Variants in RBFOX1 observed in about 807,000 individuals in gnomAD.
RBFOX1 encodes RNA binding fox-1 homolog 1.
A neutral mutation model predicts 57.7 loss-of-function variants in RBFOX1; 8 were observed. The ratio of observed to expected loss-of-function variants is 0.14; its 90% CI spans 0.08 to 0.25. RBFOX1 has a LOEUF of 0.25. RBFOX1 is among the 10% of genes least tolerant of loss of function. RBFOX1 has a pLI of 1.00. For synonymous variants in RBFOX1, 326 were observed against 222.4 expected (o/e 1.47, Z -4.15); for missense variants, 611 against 548.5 (o/e 1.11, Z -1.14).
chr16:6,734,417 T>C (rs2069528869), intron 3 of RBFOX1, among the ~76,000 whole-genome samples: 1 of 152,202 alleles, frequency 6.6e-6, no homozygotes, highest in African/African-American at 2.4e-5. Flanking sequence ...TATGTAGCCA[T>C]TTCCTTTACG....
At chr16:5,656,224 A>G (rs747273381) in intron 3 of RBFOX1, among the ~76,000 whole-genome samples, 2 of 152,158 alleles carry the variant, frequency 1.3e-5, no homozygotes, top group Non-Finnish European at 2.9e-5. Context: ...TGAGTTTCTT[A>G]TTTTATAAAG....
chr16:6,581,109 A>G (rs992278482), intron 2 of RBFOX1, among the ~76,000 whole-genome samples: 8 of 151,990 alleles, frequency 5.3e-5, no homozygotes, highest in Non-Finnish European at 1.0e-4. Context: ...AGTTATCCCC[A>G]TATACTCTAA....
At chr16:6,134,409 C>G (rs944129164) in intron 1 of RBFOX1, among the ~76,000 whole-genome samples, 1 of 152,166 alleles carries the variant, frequency 6.6e-6, no homozygotes, top group African/African-American at 2.4e-5. Context: ...TGATGGATAT[C>G]CACTCAACAA....
chr16:7,160,179 C>T (rs968764522), intron 4 of RBFOX1, among the ~76,000 whole-genome samples: 1 of 151,650 alleles, frequency 6.6e-6, no homozygotes, highest in African/African-American at 2.4e-5. Context: ...TTCCAAACTT[C>T]ATATGACTTT....
chr16:5,707,488 C>G lies in RBFOX1; in HGVS notation c.318+108527C>G, dbSNP rs889607743. ...TTAGTAACCACTAAAGATGCCAGGT[C>G]CTAATTGGATAGCTAACACCTATGT... On this transcript the variant is annotated intron_variant, in intron 3 of 19. Transcript: ENST00000641259. Among the ~76,000 whole-genome samples the G allele has an allele frequency of 4.6e-5, 7 of 152,106 alleles. No homozygotes were observed. The East Asian group carries it at 1.2e-3, about 25-fold the overall frequency.
chr16:6,714,137 G>A (rs565644093), intron 3 of RBFOX1, among the ~76,000 whole-genome samples: 5 of 152,224 alleles, frequency 3.3e-5, no homozygotes, highest in African/African-American at 1.2e-4. Flanking sequence ...AGTTTTTCCT[G>A]CACTCTCACG....
chr16:6,372,030 G>A (rs1341250533), intron 2 of RBFOX1, among the ~76,000 whole-genome samples: 1 of 152,222 alleles, frequency 6.6e-6, no homozygotes, highest in Non-Finnish European at 1.5e-5. Context: ...GGATTGTTGG[G>A]TGAAACGATG....
intron 3 of RBFOX1, among the ~76,000 whole-genome samples, chr16:6,920,447 C>T (rs1051915367): frequency 4.6e-5 from 7 of 152,172 alleles, no homozygotes; most frequent in Middle Eastern, 3.4e-3. Flanking sequence ...TAAGTTGATA[C>T]GAAAAAGTTA....
intron 3 of RBFOX1, among the ~76,000 whole-genome samples, chr16:6,677,973 A>G (rs574187362): frequency 5.3e-5 from 8 of 152,258 alleles, no homozygotes; most frequent in African/African-American, 1.7e-4. Context: ...TAGAAATATA[A>G]TGTCAAACAT....
chr16:6,395,674 CAA>C (rs1274065391), intron 2 of RBFOX1, among the ~76,000 whole-genome samples: 2 of 152,048 alleles, frequency 1.3e-5, no homozygotes, highest in African/African-American at 4.8e-5. Context: ...GTGTATATAT[CAA>C]GTTTATATCA....
intron 3 of RBFOX1, among the ~76,000 whole-genome samples, chr16:5,655,985 T>C (rs1290062912): frequency 6.6e-6 from 1 of 152,262 alleles, no homozygotes; most frequent in Non-Finnish European, 1.5e-5. Context: ...TTCACCACAA[T>C]GTCAGCCACT....
At chr16:6,632,883 T>A (rs575547510) in intron 2 of RBFOX1, among the ~76,000 whole-genome samples, 1 of 152,314 alleles carries the variant, frequency 6.6e-6, no homozygotes, top group Non-Finnish European at 1.5e-5. Flanking sequence ...ATGGGACCAT[T>A]TGAGCTCTCA....
intron 4 of RBFOX1, among the ~76,000 whole-genome samples, chr16:7,190,180 G>C (rs1381699274): frequency 2.0e-5 from 3 of 152,076 alleles, no homozygotes; most frequent in Non-Finnish European, 4.4e-5. Context: ...TGCCAACATG[G>C]TGAAACCCCG....
At chr16:5,634,100 C>A (rs1173324452) in intron 3 of RBFOX1, among the ~76,000 whole-genome samples, 1 of 152,154 alleles carries the variant, frequency 6.6e-6, no homozygotes, top group Non-Finnish European at 1.5e-5. Context: ...TCCAAATGAT[C>A]CTTACCCTTT....
intron 4 of RBFOX1, among the ~76,000 whole-genome samples, chr16:7,404,484 C>T (rs1183181897): frequency 6.6e-6 from 1 of 152,154 alleles, no homozygotes; most frequent in Admixed American, 6.5e-5. Flanking sequence ...TTCTGGCAGG[C>T]ACTGCGTGAA....
intron 3 of RBFOX1, among the ~76,000 whole-genome samples, chr16:5,831,570 A>C (rs776225143): frequency 6.6e-6 from 1 of 151,130 alleles, no homozygotes; most frequent in South Asian, 2.1e-4. Flanking sequence ...GCTCGCTGCA[A>C]CCTCCACCTA....
chr16:5,966,115 A>C (rs1389668689), intron 4 of RBFOX1, among the ~76,000 whole-genome samples: 1 of 152,190 alleles, frequency 6.6e-6, no homozygotes, highest in Non-Finnish European at 1.5e-5. Flanking sequence ...TTGAAGTCTA[A>C]TATACATCAA....
At chr16:6,606,929 C>G (rs1326161059) in intron 2 of RBFOX1, among the ~76,000 whole-genome samples, 1 of 152,210 alleles carries the variant, frequency 6.6e-6, no homozygotes, top group Admixed American at 6.5e-5. Flanking sequence ...TGAGGAATCA[C>G]CACACTGTCT....
At chr16:7,188,280 G>A (rs566067339) in intron 4 of RBFOX1, among the ~76,000 whole-genome samples, 2 of 152,320 alleles carry the variant, frequency 1.3e-5, no homozygotes, top group East Asian at 1.9e-4. Context: ...TAACATAAGT[G>A]CTTTAAGTTA....
Sources: gnomAD v4.1 joint callset for allele counts (sites outside exome capture counted in the v4.1 genomes callset) on GRCh38, gnomAD v4.1.1 for gene constraint, MANE v1.5 for transcripts, NCBI Gene and HGNC (gene_info 2026-07-23, HGNC 2026-07-21) for gene names.